The following TFEC variants were observed in gnomAD, a reference collection of about 807,000 sequenced individuals.
TFEC encodes the protein transcription factor EC.
In TFEC, 31 loss-of-function variants were observed where a neutral mutation model predicts 41.6. The observed-to-expected ratio is 0.74, with a 90% CI of 0.56 to 1.01. The LOEUF (loss-of-function observed/expected upper bound fraction) is 1.01, where lower values mean the gene tolerates loss of function less well. Among genes scored for constraint, TFEC ranks in the 50% least tolerant of loss-of-function variants. The pLI is 0.00. For missense variants in TFEC, 402 were observed against 404.1 expected, an observed-to-expected ratio of 0.99 and a Z score of 0.04; for synonymous variants, 143 against 140.6, an observed-to-expected ratio of 1.02 and a Z score of -0.12.
At chr7:116,132,752 G>C (rs1798357437) in intron 1 of TFEC, among the ~76,000 whole-genome samples, 1 of 152,210 alleles carries the variant, frequency 6.6e-6, no homozygotes. Flanking sequence ...AACATTCTTT[G>C]AGAACTATAG....
intron 1 of TFEC, among the ~76,000 whole-genome samples, chr7:116,010,243 G>A (rs779565977): frequency 5.3e-5 from 8 of 152,064 alleles, no homozygotes; most frequent in Non-Finnish European, 1.2e-4. Flanking sequence ...AAAGGGAGGG[G>A]CAAATAAAAG....
chr7:116,010,646 T>C (rs1036850405), intron 1 of TFEC, among the ~76,000 whole-genome samples: 3 of 152,172 alleles, frequency 2.0e-5, no homozygotes, highest in South Asian at 2.1e-4. Context: ...GAGATGGACA[T>C]TGAAGGAAGA....
At chr7:116,022,553 T>C (rs1212441756) in intron 1 of TFEC, among the ~76,000 whole-genome samples, 1 of 152,166 alleles carries the variant, frequency 6.6e-6, no homozygotes, top group Admixed American at 6.5e-5. Context: ...TTCTCAGAGT[T>C]ATTTTGATTA....
chr7:116,113,503 C>A (rs560714074), intron 1 of TFEC, among the ~76,000 whole-genome samples: 1 of 152,120 alleles, frequency 6.6e-6, no homozygotes, highest in African/African-American at 2.4e-5. Flanking sequence ...GAATAAATTT[C>A]TCTTGTCTTA....
intron 3 of TFEC, among the ~76,000 whole-genome samples, chr7:116,056,920 A>G (rs1796444213): frequency 6.6e-6 from 1 of 152,084 alleles, no homozygotes; most frequent in African/African-American, 2.4e-5. Flanking sequence ...AAACAGTTAT[A>G]ACAACTGTAT....
chr7:116,087,479 C>T (rs961552948), intron 3 of TFEC, among the ~76,000 whole-genome samples: 1 of 151,956 alleles, frequency 6.6e-6, no homozygotes, highest in Non-Finnish European at 1.5e-5. Flanking sequence ...TAATAGACAA[C>T]CACTGTTTCA....
chr7:116,046,685 T>A (rs1486227828), intron 3 of TFEC, among the ~76,000 whole-genome samples: 1 of 152,222 alleles, frequency 6.6e-6, no homozygotes, highest in Admixed American at 6.5e-5. Context: ...TTTATACTTG[T>A]TTTATACCGT....
exon 2 of TFEC, chr7:116,111,999 T>C: frequency 1.0e-6 from 1 of 986,954 alleles, no homozygotes. Flanking sequence ...TACCTTTTAC[T>C]TTCTGATTTT....
chr7:115,956,851 T>A, intron 3 of TFEC, 58 bp from the exon 4 acceptor site: 1 of 1,071,944 alleles, frequency 9.3e-7, no homozygotes, highest in Non-Finnish European at 1.3e-6. Flanking sequence ...ATTGATATAT[T>A]TAGTTATATA....
chr7:116,103,281 C>T (rs535435917), intron 3 of TFEC, among the ~76,000 whole-genome samples: 24 of 152,200 alleles, frequency 1.6e-4, no homozygotes, highest in African/African-American at 4.8e-4. Flanking sequence ...AACCAAGACA[C>T]CAGAAAGTGG....
intron 3 of TFEC, among the ~76,000 whole-genome samples, chr7:116,087,069 G>T (rs1157012204): frequency 6.6e-6 from 1 of 151,884 alleles, no homozygotes; most frequent in Non-Finnish European, 1.5e-5. Context: ...GGAATTTCAT[G>T]GCAAAACTGT....
chr7:116,016,332 C>A (rs975097594), intron 1 of TFEC, among the ~76,000 whole-genome samples: 7 of 152,146 alleles, frequency 4.6e-5, no homozygotes, highest in Admixed American at 2.0e-4. Flanking sequence ...GACCTCAGGG[C>A]TCAGACTAGG....
intron 3 of TFEC, among the ~76,000 whole-genome samples, chr7:116,084,939 G>A (rs78674274): frequency 0.024 from 3,665 of 151,872 alleles, 150 homozygotes; most frequent in African/African-American, 0.083. Context: ...TGTGACTAAC[G>A]TGTGCATTTA....
chr7:116,137,987 G>A (rs182439666), intron 1 of TFEC, among the ~76,000 whole-genome samples: 12 of 151,974 alleles, frequency 7.9e-5, no homozygotes, highest in East Asian at 1.9e-4. Flanking sequence ...GAAGAAATGC[G>A]GTCATTTGTT....
intron 3 of TFEC, among the ~76,000 whole-genome samples, chr7:115,972,583 T>C (rs1793183045): frequency 6.6e-6 from 1 of 152,142 alleles, no homozygotes; most frequent in African/African-American, 2.4e-5. Flanking sequence ...GCTTTACATA[T>C]AATAAGTATT....
At chr7:115,969,640 G>C (rs1793040720) in intron 3 of TFEC, among the ~76,000 whole-genome samples, 1 of 151,960 alleles carries the variant, frequency 6.6e-6, no homozygotes, top group African/African-American at 2.4e-5. Context: ...GAATATTTCA[G>C]AAAGTTAATA....
intron 1 of TFEC, among the ~76,000 whole-genome samples, chr7:116,001,910 G>A (rs1443358894): frequency 1.3e-5 from 2 of 152,156 alleles, no homozygotes; most frequent in African/African-American, 4.8e-5. Flanking sequence ...ATACAAAAAG[G>A]TATATAAAAA....
intron 3 of TFEC, among the ~76,000 whole-genome samples, chr7:116,048,036 C>A (rs1235803539): frequency 6.6e-6 from 1 of 152,154 alleles, no homozygotes; most frequent in African/African-American, 2.4e-5. Context: ...TGGGGAGAAA[C>A]CAGAGCAGAA....
At chr7:116,106,478 G>A (rs1309813074) in intron 3 of TFEC, among the ~76,000 whole-genome samples, 2 of 152,152 alleles carry the variant, frequency 1.3e-5, no homozygotes, top group African/African-American at 4.8e-5. Context: ...CACCTCCCAG[G>A]TTCAAGCAAT....
Sources: gnomAD v4.1 joint callset for allele counts (sites outside exome capture counted in the v4.1 genomes callset) on GRCh38, gnomAD v4.1.1 for gene constraint, MANE v1.5 for transcripts, NCBI Gene and HGNC (gene_info 2026-07-23, HGNC 2026-07-21) for gene names.